Variants in TRAM2 observed in about 807,000 individuals in gnomAD.
The protein encoded by TRAM2 is translocating chain-associated membrane protein 2.
A neutral mutation model predicts 51.0 loss-of-function variants in TRAM2; 12 were observed. The observed-to-expected ratio is 0.24, with a 90% CI of 0.15 to 0.38. The LOEUF (loss-of-function observed/expected upper bound fraction) is 0.38. Among genes scored for constraint, TRAM2 ranks in the 10% least tolerant of loss-of-function variants. The probability of loss-of-function intolerance (pLI) is 1.00; values close to 1 mark genes in which losing one functional copy is unlikely to be tolerated. For missense variants in TRAM2, 361 were observed against 462.0 expected (o/e 0.78, Z 2.00); for synonymous variants, 175 against 179.4 (o/e 0.98, Z 0.20).
chr6:52,504,486 G>A, intron 10 of TRAM2, 105 bp downstream of exon 10: 1 of 1,539,962 alleles, frequency 6.5e-7, no homozygotes. Context: ...GAAGCTGGCA[G>A]GATTGGTCTG....
At chr6:52,521,785 G>A (rs78554304) in intron 2 of TRAM2, among the ~76,000 whole-genome samples, 2,032 of 152,082 alleles carry the variant, frequency 0.013, 34 homozygotes, top group East Asian at 0.086. Context: ...ATCCTCACAC[G>A]ACCCAGGTTA....
intron 1 of TRAM2, 43 bp downstream of exon 1, chr6:52,576,753 A>G (rs1431044698): frequency 1.2e-6 from 2 of 1,602,510 alleles, no homozygotes; most frequent in East Asian, 2.3e-5. Flanking sequence ...GGTGCACGAC[A>G]GGGGGCACTG....
chr6:52,573,810 G>C (rs1038528926), intron 1 of TRAM2, among the ~76,000 whole-genome samples: 1 of 151,982 alleles, frequency 6.6e-6, no homozygotes, highest in African/African-American at 2.4e-5. Flanking sequence ...AGCAACGCAG[G>C]GATGCAATGC....
chr6:52,517,969 C>T (rs1390619495), intron 2 of TRAM2, among the ~76,000 whole-genome samples: 1 of 152,144 alleles, frequency 6.6e-6, no homozygotes, highest in Non-Finnish European at 1.5e-5. Flanking sequence ...TTCCTTTTTC[C>T]TCTCCCTCTT....
In TRAM2 at chr6:52,576,872, T is replaced by C. The variant is rs558653246; in HGVS notation, c.44A>G (p.Gln15Arg). ...RRTKSYPLFS[Q>R]EFVIHNHADI... ...CGCATGGTTGTGGATGACGAACTCC[T>C]GGCTGAAGAGCGGGTAACTTTTCGT... The change falls in exon 1 of 11, where the codon CAG becomes CGG. Residue 15 changes from glutamine (Q) to arginine (R), a missense_variant. Transcript: ENST00000182527. The C allele has an allele frequency of 1.2e-6, 2 of 1,613,596 alleles. No individual in the cohort carries two copies. Among genetic ancestry groups the C allele is most frequent in the Admixed American group, 1.7e-5 (1 of 60,002 alleles).
chr6:52,576,693 G>C, intron 1 of TRAM2, 103 bp downstream of exon 1: 1 of 1,451,154 alleles, frequency 6.9e-7, no homozygotes, highest in Admixed American at 2.2e-5. Context: ...ACGGCAGCCA[G>C]GAGCCTCCGA....
In TRAM2 at chr6:52,537,748, AG is replaced by A. The variant is rs1767001656; in HGVS notation, c.121-1903del. Among the ~76,000 whole-genome samples the A allele has an allele frequency of 3.3e-5, 5 of 152,110 alleles. No homozygotes were observed. In the South Asian group the frequency reaches 1.0e-3, roughly 32 times the overall value. ...CCGTCCCGTTCCCATTTATCCTCGCAGCCCCTCTTACGTAAGGAGCCCAGAT... is the reference window on the plus strand; with the variant it reads ...CCGTCCCGTTCCCATTTATCCTCGCACCCCTCTTACGTAAGGAGCCCAGAT... On this transcript the variant is annotated intron_variant, in intron 1 of 10. Coordinates refer to ENST00000182527, the MANE Select transcript of TRAM2 (RefSeq NM_012288.4).
intron 1 of TRAM2, among the ~76,000 whole-genome samples, chr6:52,559,632 C>T (rs1299908155): frequency 3.3e-5 from 5 of 152,320 alleles, no homozygotes; most frequent in African/African-American, 1.2e-4. Context: ...ATCTTTGATT[C>T]TATAAACTGT....
In TRAM2 at chr6:52,576,840, C is replaced by A; in HGVS notation, c.76G>T (p.Gly26Cys). The A allele has an allele frequency of 1.9e-6, 3 of 1,613,908 alleles. No homozygotes were observed. Among genetic ancestry groups the A allele is most frequent in the Non-Finnish European group, 2.5e-6 (3 of 1,179,860 alleles). The part of the protein sequence containing the change: ...EFVIHNHADI[G>C]FCLVLCVLIG... Reference sequence around the variant, plus strand: ...AGGACGCAGAGCACCAGGCAGAAGCCGATGTCCGCATGGTTGTGGATGACG... The same window carrying A: ...AGGACGCAGAGCACCAGGCAGAAGCAGATGTCCGCATGGTTGTGGATGACG... The change falls in exon 1 of 11, where the codon GGC (glycine) becomes TGC (cysteine). Residue 26 changes from glycine to cysteine, a missense_variant. Gly to Cys is a radical substitution (Grantham distance 159, BLOSUM62 -3). Transcript: ENST00000182527.
Position 52,507,588 on chromosome 6 carries a change from C to T in TRAM2, c.591G>A (p.Leu197=). 2 of 1,614,162 alleles carry T rather than the reference C, an allele frequency of 1.2e-6. No individual in the cohort carries two copies. Among genetic ancestry groups the T allele is most frequent in the Non-Finnish European group, 1.7e-6 (2 of 1,180,008 alleles). ...EIPRQLQYIC[L]YLVHIAGAYL... ...ATGCTCCAGCTATATGCACCAGGTA[C>T]AGGCAAATATACTGGAGCTGGCGGG... The change falls in exon 7 of 11, where the codon CTG becomes CTA. Residue 197 remains leucine (L), a synonymous_variant. Transcript: ENST00000182527.
intron 1 of TRAM2, among the ~76,000 whole-genome samples, chr6:52,546,467 G>C (rs1767202131): frequency 6.6e-6 from 1 of 152,172 alleles, no homozygotes; most frequent in Admixed American, 6.5e-5. Flanking sequence ...GCAGCACAGA[G>C]ACTTAGGTTA....
chr6:52,530,178 TAGAA>T (rs1266874183), intron 2 of TRAM2, among the ~76,000 whole-genome samples: 3 of 152,134 alleles, frequency 2.0e-5, no homozygotes, highest in African/African-American at 7.2e-5. Context: ...TATTCGCTAA[TAGAA>T]AGGCAAGCAG....
At chr6:52,561,845 C>T (rs755923293) in intron 1 of TRAM2, among the ~76,000 whole-genome samples, 1 of 151,788 alleles carries the variant, frequency 6.6e-6, no homozygotes, top group Non-Finnish European at 1.5e-5. Context: ...CAAGCTCAGG[C>T]AATCCACCCG....
rs1284602977 is a variant in TRAM2, at chr6:52,500,394, G to C, written c.*2803C>G. On this transcript the variant is annotated 3_prime_UTR_variant, in exon 11 of 11. Coordinates refer to ENST00000182527, the MANE Select transcript of TRAM2 (RefSeq NM_012288.4). ...GACTTGGCTCTGCTGTGAAATAAAC[G>C]TGCCAGGGAGGGTGGCAGGGGGAGG... 2.0e-5 allele frequency: 3 copies of C among 152,122 alleles called. No individual in the cohort carries two copies. Among genetic ancestry groups the C allele is most frequent in the Non-Finnish European group, 4.4e-5 (3 of 68,028 alleles). The allele number at this position is 152,122 out of a possible 1,614,324, so 9.4% of individuals were successfully genotyped here. A position where few individuals can be genotyped will look rare whatever the true frequency, so the allele number is the denominator to read the frequency against.
intron 4 of TRAM2, among the ~76,000 whole-genome samples, chr6:52,510,339 T>C (rs950987704): frequency 6.6e-6 from 1 of 152,134 alleles, no homozygotes; most frequent in Non-Finnish European, 1.5e-5. Flanking sequence ...CTGGGTGAAA[T>C]CTAATGAATA....
chr6:52,574,638 C>G (rs535058698), intron 1 of TRAM2, among the ~76,000 whole-genome samples: 1 of 152,208 alleles, frequency 6.6e-6, no homozygotes, highest in South Asian at 2.1e-4. Flanking sequence ...TTGCTACACT[C>G]CCCAATACAA....
chr6:52,550,110 C>T (rs996684706), intron 1 of TRAM2, among the ~76,000 whole-genome samples: 6 of 152,128 alleles, frequency 3.9e-5, no homozygotes, highest in African/African-American at 1.2e-4. Context: ...AGTGGGCTTC[C>T]GATGGAATCT....
At position 52,502,886 on chromosome 6, in the gene TRAM2, C is replaced by T. The variant is rs1766261628; in HGVS notation, c.*311G>A. On this transcript the variant is annotated 3_prime_UTR_variant, in exon 11 of 11. Coordinates refer to ENST00000182527, the MANE Select transcript of TRAM2 (RefSeq NM_012288.4). ...AGCAGCCATAAGGCAAGAGACAGAG[C>T]AAGCAGAAAGGTGCCAGCCATGGGC... The T allele has an allele frequency of 1.6e-5, 6 of 383,686 alleles. No individual in the cohort carries two copies. In the East Asian group the frequency reaches 2.3e-4, roughly 15 times the overall value. 23.8% of individuals were successfully genotyped at this position (383,686 alleles called of 1,614,324 possible).
intron 1 of TRAM2, among the ~76,000 whole-genome samples, chr6:52,552,196 G>C (rs1767321492): frequency 6.6e-6 from 1 of 152,244 alleles, no homozygotes; most frequent in Non-Finnish European, 1.5e-5. Context: ...GCCTTAAAGA[G>C]AGCGAGATTC....
Sources: allele counts gnomAD v4.1 joint callset (sites outside exome capture counted in the v4.1 genomes callset), GRCh38; gene constraint gnomAD v4.1.1; transcripts MANE v1.5; gene names NCBI Gene and HGNC (gene_info 2026-07-23, HGNC 2026-07-21).